Variants in NT5C1B observed in about 807,000 individuals in gnomAD.
NT5C1B encodes the protein 5'-nucleotidase, cytosolic IB, also known as cytosolic 5'-nucleotidase 1B.
In NT5C1B, 44 loss-of-function variants were observed where a neutral mutation model predicts 57.8. The ratio of observed to expected loss-of-function variants is 0.76; its 90% confidence interval spans 0.60 to 0.98. NT5C1B has a LOEUF of 0.98. Ranked by LOEUF, NT5C1B falls within the 50% of genes least tolerant of loss-of-function variation. The pLI, the probability that NT5C1B is intolerant of heterozygous loss-of-function variation, is 0.00. For missense variants in NT5C1B, 742 were observed against 719.5 expected, an observed-to-expected ratio of 1.03 and a Z score of -0.36; for synonymous variants, 284 against 282.6, an observed-to-expected ratio of 1.00 and a Z score of -0.05.
chr2:18,582,463 TTAAGAG>T (rs1307211293), intron 6 of NT5C1B, among the ~76,000 whole-genome samples: 1 of 152,278 alleles, frequency 6.6e-6, no homozygotes, highest in East Asian at 1.9e-4. Context: ...CAATCAGATT[TTAAGAG>T]TGGAAAGGAG....
rs1324741066 is a variant in NT5C1B, at chr2:18,584,304, G to T, written c.724-49C>A. ...AGGATAGTCACATAGCCACGAAGAG[G>T]ACAGGGTTGGGGCTCCTCCAGGGTA... On this transcript the variant is annotated intron_variant, in intron 4 of 8. Transcript: ENST00000304081. This position sits in a 1 kb window ranked among gnomAD's most constrained non-coding sequence, Gnocchi z 5.8. The T allele has an allele frequency of 1.3e-6, 2 of 1,594,866 alleles. No homozygotes were observed. The highest frequency in any genetic ancestry group is 2.7e-5 in the African/African-American group (2 of 74,762).
intron 2 of NT5C1B, chr2:18,587,031 A>G: frequency 6.2e-7 from 1 of 1,614,208 alleles, no homozygotes; most frequent in South Asian, 1.1e-5. Context: ...CTCCCACAAC[A>G]GGCACATGTG....
chr2:18,587,373 G>T, intron 2 of NT5C1B, 130 bp downstream of exon 2: 1 of 1,503,724 alleles, frequency 6.7e-7, no homozygotes, highest in South Asian at 1.3e-5. Flanking sequence ...TTCTCATGAG[G>T]ACATTAGGGA....
At chr2:18,589,405 C>A in intron 1 of NT5C1B, 34 bp downstream of exon 1, 1 of 1,614,024 alleles carries the variant, frequency 6.2e-7, no homozygotes, top group African/African-American at 1.3e-5. Context: ...TCTTCAGCCC[C>A]ATGGCAAGAT....
At chr2:18,588,081 A>G (rs769823087) in intron 1 of NT5C1B, among the ~76,000 whole-genome samples, 3 of 152,176 alleles carry the variant, frequency 2.0e-5, no homozygotes, top group Non-Finnish European at 4.4e-5. Flanking sequence ...CCTTAATCTC[A>G]TACAAATTTA....
At chr2:18,585,306 C>T (rs1452509390) in intron 3 of NT5C1B, among the ~76,000 whole-genome samples, 1 of 152,202 alleles carries the variant, frequency 6.6e-6, no homozygotes, top group Non-Finnish European at 1.5e-5. Flanking sequence ...CTGTCCCCTG[C>T]TTGGCATATA....
chr2:18,587,125 G>C lies in NT5C1B; in HGVS notation c.120+378C>G, dbSNP rs1447978953. The C allele has an allele frequency of 3.7e-6, 6 of 1,614,004 alleles. No homozygotes were observed. In the Admixed American group the frequency reaches 6.7e-5, roughly 18 times the overall value. On this transcript the variant is annotated intron_variant, in intron 2 of 8. Transcript: ENST00000304081. Reference sequence around the variant, plus strand: ...CAGCGTCTACACGACGAGTGACCCTGGAAGGGGCAACATCTCAGCGAGTGA... The same window carrying C: ...CAGCGTCTACACGACGAGTGACCCTCGAAGGGGCAACATCTCAGCGAGTGA...
intron 2 of NT5C1B, 155 bp from the exon 3 acceptor site, chr2:18,586,546 G>T: frequency 8.6e-7 from 1 of 1,158,820 alleles, no homozygotes; most frequent in Non-Finnish European, 1.2e-6. Context: ...GAACTCTTCT[G>T]TACTATTCTA....
At chr2:18,586,706 C>G in intron 2 of NT5C1B, 1 of 577,714 alleles carries the variant, frequency 1.7e-6, no homozygotes, top group South Asian at 2.2e-5. Context: ...CCCTTTTCCT[C>G]ACTTCTTCCC....
At chr2:18,567,649 A>G (rs1558367450) in intron 8 of NT5C1B, among the ~76,000 whole-genome samples, 1 of 152,204 alleles carries the variant, frequency 6.6e-6, no homozygotes, top group Non-Finnish European at 1.5e-5. Context: ...CATAGCAACC[A>G]CAAAACCTAA....
At chr2:18,572,112 A>T (rs1426675729) in intron 8 of NT5C1B, among the ~76,000 whole-genome samples, 1 of 151,070 alleles carries the variant, frequency 6.6e-6, no homozygotes, top group African/African-American at 2.4e-5. Context: ...AAGAACTACT[A>T]TAAAACTACA....
intron 8 of NT5C1B, among the ~76,000 whole-genome samples, chr2:18,570,548 A>G (rs775232318): frequency 3.9e-5 from 6 of 152,132 alleles, no homozygotes; most frequent in Non-Finnish European, 7.4e-5. Context: ...GAGAAAAGGA[A>G]GAAAAAGAAA....
chr2:18,567,264 C>G (rs1664730010), intron 8 of NT5C1B, among the ~76,000 whole-genome samples: 2 of 152,152 alleles, frequency 1.3e-5, no homozygotes, highest in African/African-American at 4.8e-5. Context: ...CCCTCAGGAA[C>G]AAAGAGCCTA....
chr2:18,564,939 T>C (rs1252992806), intron 8 of NT5C1B, among the ~76,000 whole-genome samples: 1 of 152,150 alleles, frequency 6.6e-6, no homozygotes, highest in Non-Finnish European at 1.5e-5. Flanking sequence ...CAGTCCTCTA[T>C]TTTAAAAAGA....
At chr2:18,586,715 C>G (rs1385310489) in intron 2 of NT5C1B, 1 of 582,566 alleles carries the variant, frequency 1.7e-6, no homozygotes, top group Non-Finnish European at 2.9e-6. Context: ...TCACTTCTTC[C>G]CTCGAGGATA....
rs75194078 is a variant in NT5C1B, at chr2:18,566,755, G to A, written c.1330-2636C>T. Among the ~76,000 whole-genome samples the A allele has an allele frequency of 1.4e-3, 210 of 152,056 alleles. 2 individuals carry two copies. The East Asian group carries it at 0.032, about 23-fold the overall frequency. On this transcript the variant is annotated intron_variant, in intron 8 of 8. Transcript: ENST00000304081. Reference sequence around the variant, plus strand: ...ATCAATAAAAATATAACAATACTAGGGAAGCTTACAAAAAGCAAATACTAG... The same window carrying A: ...ATCAATAAAAATATAACAATACTAGAGAAGCTTACAAAAAGCAAATACTAG...
At chr2:18,588,175 C>G (rs1666895846) in intron 1 of NT5C1B, among the ~76,000 whole-genome samples, 1 of 152,094 alleles carries the variant, frequency 6.6e-6, no homozygotes, top group Non-Finnish European at 1.5e-5. Flanking sequence ...AAATTAACAA[C>G]AGATAGGGAA....
At chr2:18,574,727 A>C (rs1480084283) in intron 8 of NT5C1B, among the ~76,000 whole-genome samples, 2 of 152,088 alleles carry the variant, frequency 1.3e-5, no homozygotes, top group Non-Finnish European at 2.9e-5. Flanking sequence ...TAAATTCTAG[A>C]GATCTGCTGT....
intron 5 of NT5C1B, 92 bp downstream of exon 5, chr2:18,583,996 A>G (rs1666424497): frequency 6.2e-7 from 1 of 1,607,612 alleles, no homozygotes; most frequent in African/African-American, 1.3e-5. Context: ...GCTAGGAATG[A>G]TCTGGGAAAT....
Sources: gnomAD v4.1 joint callset for allele counts (sites outside exome capture counted in the v4.1 genomes callset) on GRCh38, gnomAD v4.1.1 for gene constraint, Gnocchi (gnomAD v3.1) non-coding constraint, MANE v1.5 for transcripts, NCBI Gene and HGNC (gene_info 2026-07-23, HGNC 2026-07-21) for gene names.